The following GALNT13 variants were observed in gnomAD, a reference collection of about 807,000 sequenced individuals.
GALNT13 encodes UDP-GalNAc:polypeptide N-acetylgalactosaminyltransferase 13.
Under a neutral mutation model 64.2 loss-of-function variants are expected in GALNT13, and 28 were observed. That is an observed-to-expected ratio of 0.44 (90% confidence interval 0.32 to 0.60). GALNT13 has a LOEUF of 0.60. Among genes scored for constraint, GALNT13 ranks in the 20% least tolerant of loss-of-function variants. The pLI, the probability that GALNT13 is intolerant of heterozygous loss-of-function variation, is 0.05. For synonymous variants in GALNT13, 214 were observed against 224.6 expected, an observed-to-expected ratio of 0.95 and a Z score of 0.42; for missense variants, 577 against 669.8, an observed-to-expected ratio of 0.86 and a Z score of 1.53.
chr2:153,742,042 A>G, the GALNT13 span, among the ~76,000 whole-genome samples: 2 of 152,160 alleles, frequency 1.3e-5, no homozygotes, highest in African/African-American at 4.8e-5. Context: ...TATTAACTAT[A>G]TTCACCATAC....
chr2:154,164,014 A>G (rs1010020000), intron 4 of GALNT13, among the ~76,000 whole-genome samples: 3 of 152,124 alleles, frequency 2.0e-5, no homozygotes, highest in African/African-American at 7.2e-5. Flanking sequence ...AACTCTTCCT[A>G]ATTAAGATTA....
chr2:153,280,983 T>C, the GALNT13 span, among the ~76,000 whole-genome samples: 1 of 152,206 alleles, frequency 6.6e-6, no homozygotes, highest in Non-Finnish European at 1.5e-5. Flanking sequence ...CCCACTATTA[T>C]TGTGTGGCTA....
At chr2:153,649,136 T>G in the GALNT13 span, among the ~76,000 whole-genome samples, 4 of 152,316 alleles carry the variant, frequency 2.6e-5, no homozygotes, top group African/African-American at 9.6e-5. Flanking sequence ...TTGCCTCAGT[T>G]TCAGAGCCTG....
chr2:153,750,197 T>C, the GALNT13 span, among the ~76,000 whole-genome samples: 1 of 151,884 alleles, frequency 6.6e-6, no homozygotes, highest in Non-Finnish European at 1.5e-5. Flanking sequence ...TGATGAATGA[T>C]CTTTCTAATG....
intron 1 of GALNT13, among the ~76,000 whole-genome samples, chr2:153,896,919 G>A (rs2105282373): frequency 6.6e-6 from 1 of 152,186 alleles, no homozygotes; most frequent in African/African-American, 2.4e-5. Flanking sequence ...CAAATGTACA[G>A]AAAATTTATA....
At chr2:154,450,285 CA>C in intron 12 of GALNT13, 125 bp from the exon 13 acceptor site, 2 of 729,538 alleles carry the variant, frequency 2.7e-6, no homozygotes, top group Non-Finnish European at 2.2e-6. Context: ...GTTCCTTTTA[CA>C]AAGCTATCAC....
chr2:154,100,938 A>ATT (rs139513147), intron 3 of GALNT13, among the ~76,000 whole-genome samples: 5 of 151,644 alleles, frequency 3.3e-5, no homozygotes, highest in African/African-American at 1.2e-4. Context: ...TTATCAAGTG[A>ATT]TTTTTTTTAT....
At chr2:153,363,396 G>A in the GALNT13 span, among the ~76,000 whole-genome samples, 1 of 151,968 alleles carries the variant, frequency 6.6e-6, no homozygotes, top group African/African-American at 2.4e-5. Context: ...GAGAAGAACT[G>A]AAGGAGATAG....
At chr2:154,145,092 C>CTATATATATA (rs1380676288) in intron 4 of GALNT13, among the ~76,000 whole-genome samples, 62 of 127,750 alleles carry the variant, frequency 4.9e-4, no homozygotes, top group Admixed American at 1.2e-3. Context: ...ATCTATCTAT[C>CTATATATATA]TATCTATCTA....
intron 9 of GALNT13, among the ~76,000 whole-genome samples, chr2:154,314,257 A>C (rs2105140241): frequency 6.6e-6 from 1 of 152,302 alleles, no homozygotes; most frequent in South Asian, 2.1e-4. Context: ...TAATTACACT[A>C]AATTTCAATT....
chr2:154,106,142 T>C (rs978281234), intron 3 of GALNT13, among the ~76,000 whole-genome samples: 1 of 152,182 alleles, frequency 6.6e-6, no homozygotes, highest in African/African-American at 2.4e-5. Context: ...CTTGTCTTTT[T>C]ATTCTTTTAG....
At chr2:154,066,642 T>C (rs1285631536) in intron 3 of GALNT13, among the ~76,000 whole-genome samples, 1 of 151,642 alleles carries the variant, frequency 6.6e-6, no homozygotes, top group African/African-American at 2.4e-5. Flanking sequence ...AAAATATTCT[T>C]CCAACATGAA....
At chr2:154,158,296 G>T (rs1348414434) in intron 4 of GALNT13, among the ~76,000 whole-genome samples, 1 of 151,980 alleles carries the variant, frequency 6.6e-6, no homozygotes, top group Non-Finnish European at 1.5e-5. Context: ...CATTTGCTCA[G>T]GCCAAACCAG....
At chr2:153,743,182 C>T in the GALNT13 span, among the ~76,000 whole-genome samples, 11 of 151,892 alleles carry the variant, frequency 7.2e-5, no homozygotes, top group Non-Finnish European at 1.0e-4. Flanking sequence ...TATTCTTTTC[C>T]ATAGAGGTTG....
At chr2:153,786,880 G>A in the GALNT13 span, among the ~76,000 whole-genome samples, 1,881 of 152,182 alleles carry the variant, frequency 0.012, 34 homozygotes, top group African/African-American at 0.042. Flanking sequence ...ATAGGAGGCC[G>A]GTCCATCTTC....
chr2:154,321,513 A>T (rs1220413800), intron 9 of GALNT13, among the ~76,000 whole-genome samples: 1 of 152,198 alleles, frequency 6.6e-6, no homozygotes, highest in Non-Finnish European at 1.5e-5. Flanking sequence ...GCATGTATTA[A>T]TACAGAAATA....
Position 154,192,067 on chromosome 2 carries a change from C to T in GALNT13, c.312-49963C>T, listed in dbSNP as rs568928347. On this transcript the variant is annotated intron_variant, in intron 4 of 12. Transcript: ENST00000392825. The stretch of plus-strand genomic sequence containing the variant: ...GATGGAGTGGGAAAGGTGGTTTTCC[C>T]CTGGAGTCGGGCTGCTCAGCAGCCA... 2.6e-5 allele frequency among the ~76,000 whole-genome samples: 4 copies of T among 152,268 alleles called. No homozygotes were observed. In the East Asian group the frequency reaches 5.8e-4, roughly 22 times the overall value.
intron 3 of GALNT13, among the ~76,000 whole-genome samples, chr2:154,126,646 A>AC (rs1682291753): frequency 6.6e-6 from 1 of 151,742 alleles, no homozygotes; most frequent in South Asian, 2.1e-4. Context: ...AAAAAACAAA[A>AC]AAAAAAAACA....
At position 154,260,583 on chromosome 2, in the gene GALNT13, C is replaced by T. The variant is rs1303642230; in HGVS notation, c.975+1445C>T. The stretch of plus-strand genomic sequence containing the variant: ...TTATATTCTCATGAAACTTGCCAAA[C>T]CAAACTCAGCACCACACTCAGGAAT... On this transcript the variant is annotated intron_variant, in intron 8 of 12. Transcript: ENST00000392825. 7.9e-5 allele frequency among the ~76,000 whole-genome samples: 12 copies of T among 152,212 alleles called. No individual in the cohort carries two copies. In the East Asian group the frequency reaches 2.3e-3, roughly 29 times the overall value.
Sources: allele counts gnomAD v4.1 joint callset (sites outside exome capture counted in the v4.1 genomes callset), GRCh38; gene constraint gnomAD v4.1.1; transcripts MANE v1.5; gene names NCBI Gene and HGNC (gene_info 2026-07-23, HGNC 2026-07-21).